The following PAXBP1 variants were observed in gnomAD, a reference collection of about 807,000 sequenced individuals.
The protein encoded by PAXBP1 is PAX3- and PAX7-binding protein 1.
Under a neutral mutation model 119.9 loss-of-function variants are expected in PAXBP1, and 44 were observed. The ratio of observed to expected loss-of-function variants is 0.37; its 90% confidence interval spans 0.29 to 0.47. PAXBP1 has a LOEUF of 0.47. Among genes scored for constraint, PAXBP1 ranks in the 20% least tolerant of loss-of-function variants. The probability of loss-of-function intolerance (pLI) is 0.99; values close to 1 mark genes in which losing one functional copy is unlikely to be tolerated. For synonymous variants in PAXBP1, 393 were observed against 406.6 expected, an observed-to-expected ratio of 0.97 and a Z score of 0.40; for missense variants, 898 against 1,134.1, an observed-to-expected ratio of 0.79 and a Z score of 2.99.
At chr21:32,743,652 C>A (rs2043823741) in intron 14 of PAXBP1, 26 bp downstream of exon 14, 2 of 1,461,394 alleles carry the variant, frequency 1.4e-6, no homozygotes, top group Non-Finnish European at 1.9e-6. Context: ...AGAATATTAT[C>A]TTTAATGTTC....
Position 32,738,331 on chromosome 21 carries a change from A to C in PAXBP1, c.2335-12T>G. 2 of 1,565,476 alleles carry C rather than the reference A, an allele frequency of 1.3e-6. No homozygotes were observed. Among genetic ancestry groups the C allele is most frequent in the Non-Finnish European group, 1.7e-6 (2 of 1,161,298 alleles). Reference sequence around the variant, plus strand: ...AAATTGCCTAACAGCTGGAAAGAAGAAAAAAAATAGGTAATGTGAAACAAT... The same window carrying C: ...AAATTGCCTAACAGCTGGAAAGAAGCAAAAAAATAGGTAATGTGAAACAAT... On this transcript the variant is annotated splice_polypyrimidine_tract_variant and intron_variant, in intron 15 of 17. Transcript: ENST00000331923.
In PAXBP1 at chr21:32,762,261, G is replaced by C. The variant is rs1459383648; in HGVS notation, c.706C>G (p.Arg236Gly). The C allele has an allele frequency of 6.2e-7, 1 of 1,613,836 alleles. No homozygotes were observed. The highest frequency in any genetic ancestry group is 8.5e-7 in the Non-Finnish European group (1 of 1,180,018). Residue 236 changes from arginine to glycine, a missense_variant, in exon 4 of 18, where the codon CGA becomes GGA. Physicochemically the swap from Arg to Gly is moderately radical, Grantham distance 125. This residue lies in a region of PAXBP1 where 599 missense variants were observed against 852.7 expected (regional missense o/e 0.70). Coordinates refer to ENST00000331923, the MANE Select transcript of PAXBP1 (RefSeq NM_016631.4). ...TGAGGAGTGAAATCTCCCAATTCTC[G>C]GGCCATTTGGCGCTTTTTCCTTGCA... ...HAARKKRQMA[R>G]ELGDFTPHDN...
chr21:32,743,756 TA>T lies in PAXBP1; in HGVS notation c.2191-3del. On this transcript the variant is annotated splice_region_variant and splice_polypyrimidine_tract_variant and intron_variant, in intron 13 of 17. Transcript: ENST00000331923. The stretch of plus-strand genomic sequence containing the variant: ...CAATAAAAGTGCCTTTAGGTATACC[TA>T]AAAAGTTAAAAGTAGATCACACATT... 6.6e-7 allele frequency: 1 copy of T among 1,515,568 alleles called. No homozygotes were observed. Among genetic ancestry groups the T allele is most frequent in the Non-Finnish European group, 9.1e-7 (1 of 1,102,158 alleles). The allele number at this position is 1,515,568 out of a possible 1,614,324, so 93.9% of individuals were successfully genotyped here. A position where few individuals can be genotyped will look rare whatever the true frequency, so the allele number is the denominator to read the frequency against.
intron 1 of PAXBP1, 60 bp downstream of exon 1, chr21:32,771,266 G>A (rs2146534936): frequency 2.8e-6 from 4 of 1,447,028 alleles, no homozygotes; most frequent in East Asian, 2.7e-5. Context: ...ACGGGGGCGG[G>A]GGACGGGGGC....
rs750059197 is a variant in PAXBP1, at chr21:32,764,508, G to A, written c.489C>T (p.Asp163=). ...TTGTATCCTTAACATGTCCTGTTTT[G>A]TCCAAAGGTTGTTCACCTAAATTTT... ...NSSAESEQPL[D]KTGHVKDTNQ... The change falls in exon 3 of 18, where the codon GAC becomes GAT. Residue 163 remains aspartate, a synonymous_variant. Transcript: ENST00000331923. 9 of 1,595,122 alleles carry A rather than the reference G, an allele frequency of 5.6e-6. No homozygotes were observed. The highest frequency in any genetic ancestry group is 7.7e-6 in the Non-Finnish European group (9 of 1,172,244).
intron 4 of PAXBP1, 106 bp downstream of exon 4, chr21:32,761,990 T>C: frequency 8.8e-7 from 1 of 1,142,198 alleles, no homozygotes; most frequent in East Asian, 2.4e-5. Flanking sequence ...CAGTGAGCTA[T>C]GATTGTACCA....
chr21:32,752,574 G>C (rs920362846), intron 8 of PAXBP1, among the ~76,000 whole-genome samples: 20 of 152,110 alleles, frequency 1.3e-4, no homozygotes, highest in African/African-American at 4.8e-4. Flanking sequence ...ATCAGCAACA[G>C]GAAAAACAAA....
intron 16 of PAXBP1, 86 bp from the exon 17 acceptor site, chr21:32,737,494 TG>T: frequency 8.8e-7 from 1 of 1,142,140 alleles, no homozygotes. Context: ...TGGGTATAAA[TG>T]TATTTCACCA....
Position 32,771,527 on chromosome 21 carries a change from C to A in PAXBP1, c.142G>T (p.Asp48Tyr). ...AGCGACTCCCCGCCAGGGGCCCTGT[C>A]GCCGCCACCGGGGCCCGCCTCTTCG... ...TGEEAGPGGGDRAPGGESLLG... is the reference protein window; with the variant it reads ...TGEEAGPGGGYRAPGGESLLG... Residue 48 changes from aspartate to tyrosine, a missense_variant, in exon 1 of 18, where the codon GAC (aspartate) becomes TAC (tyrosine). Asp to Tyr is a radical substitution (Grantham distance 160). Coordinates refer to ENST00000331923, the MANE Select transcript of PAXBP1 (RefSeq NM_016631.4). The A allele has an allele frequency of 7.4e-7, 1 of 1,345,796 alleles. No homozygotes were observed. Among genetic ancestry groups the A allele is most frequent in the Non-Finnish European group, 9.5e-7 (1 of 1,055,060 alleles). 83.4% of individuals were successfully genotyped at this position (1,345,796 alleles called of 1,614,324 possible). A position where few individuals can be genotyped will look rare whatever the true frequency, so the allele number is the denominator to read the frequency against.
Position 32,751,283 on chromosome 21 carries a change from C to T in PAXBP1, c.1508-65G>A, listed in dbSNP as rs552471313. ...AACAATCTTGAGGAAAGAGTTTGCA[C>T]AGAATAAGCCATTACGACAGACTGC... On this transcript the variant is annotated intron_variant, in intron 8 of 17. Transcript: ENST00000331923. 7 of 1,449,186 alleles carry T rather than the reference C, an allele frequency of 4.8e-6. No homozygotes were observed. The African/African-American group carries it at 5.6e-5, about 12-fold the overall frequency. The allele number at this position is 1,449,186 out of a possible 1,614,324, so 89.8% of individuals were successfully genotyped here.
chr21:32,762,295 A>G lies in PAXBP1; in HGVS notation c.672T>C (p.Phe224=), dbSNP rs2044163331. ...LRPGEIPDAA[F]IHAARKKRQM... ...GGCGCTTTTTCCTTGCAGCATGTAT[A>G]AAAGCTGCATCTGGAATTTCTCCTA... Residue 224 remains phenylalanine, a synonymous_variant, in exon 4 of 18, where the codon TTT becomes TTC. Transcript: ENST00000331923. 6.2e-7 allele frequency: 1 copy of G among 1,613,974 alleles called. No homozygotes were observed. The highest frequency in any genetic ancestry group is 8.5e-7 in the Non-Finnish European group (1 of 1,179,920).
At chr21:32,757,481 G>C (rs552731938) in intron 7 of PAXBP1, among the ~76,000 whole-genome samples, 1 of 152,260 alleles carries the variant, frequency 6.6e-6, no homozygotes, top group Non-Finnish European at 1.5e-5. Flanking sequence ...AAGTGACTCT[G>C]TATAACCACA....
intron 11 of PAXBP1, 25 bp downstream of exon 11, chr21:32,748,474 T>C (rs1159548366): frequency 6.3e-7 from 1 of 1,586,700 alleles, no homozygotes; most frequent in African/African-American, 1.4e-5. Context: ...TATAACACTT[T>C]CTAATAGTGA....
At chr21:32,752,305 CAA>C (rs747315066) in intron 8 of PAXBP1, among the ~76,000 whole-genome samples, 11 of 151,930 alleles carry the variant, frequency 7.2e-5, no homozygotes, top group Non-Finnish European at 1.2e-4. Context: ...TCTCTTTAAT[CAA>C]AAAAGACTCC....
Position 32,761,117 on chromosome 21 carries a change from T to A in PAXBP1, c.917A>T (p.Asp306Val). The A allele has an allele frequency of 6.2e-7, 1 of 1,614,118 alleles. No individual in the cohort carries two copies. The highest frequency in any genetic ancestry group is 8.5e-7 in the Non-Finnish European group (1 of 1,180,020). The change falls in exon 5 of 18, where the codon GAT (aspartate) becomes GTT (valine). Residue 306 changes from aspartate (D) to valine (V), a missense_variant. By Grantham distance (152) the Asp-to-Val change is radical. Transcript: ENST00000331923. ...CTGTTCCCATCGGCTGAGCTCTTCA[T>A]CCTGTTCTCCAGTTACTAAAGCATC... ...DDDALVTGEQ[D>V]EELSRWEQEQ...
At chr21:32,765,694 T>C (rs2044228739) in intron 2 of PAXBP1, among the ~76,000 whole-genome samples, 1 of 151,942 alleles carries the variant, frequency 6.6e-6, no homozygotes, top group Non-Finnish European at 1.5e-5. Context: ...TAACCTCTTT[T>C]AGGCTCTTTC....
chr21:32,753,262 G>A (rs2043986010), intron 8 of PAXBP1, among the ~76,000 whole-genome samples: 1 of 151,806 alleles, frequency 6.6e-6, no homozygotes, highest in African/African-American at 2.4e-5. Context: ...TTCAAGACCA[G>A]CCTGACCAAC....
At chr21:32,740,261 C>A (rs1384300782) in intron 15 of PAXBP1, among the ~76,000 whole-genome samples, 1 of 152,168 alleles carries the variant, frequency 6.6e-6, no homozygotes, top group Non-Finnish European at 1.5e-5. Context: ...AATGGGGGGG[C>A]CTTGCTTTGA....
Position 32,759,815 on chromosome 21 carries a change from G to C in PAXBP1, c.1155C>G (p.Pro385=). The C allele has an allele frequency of 6.2e-7, 1 of 1,613,958 alleles. No homozygotes were observed. The highest frequency in any genetic ancestry group is 8.5e-7 in the Non-Finnish European group (1 of 1,179,902). Residue 385 remains proline (P), a synonymous_variant, in exon 6 of 18, where the codon CCC becomes CCG. Transcript: ENST00000331923. The stretch of plus-strand genomic sequence containing the variant: ...GTTTCTTTACCAAATCAATAGTAAC[G>C]GGAGTCATCTCATTACTGGGAGTTT... ...PFKTPSNEMT[P]VTIDLVKKQL... is the part of the protein sequence containing the mutation.
Sources: gnomAD v4.1 joint callset for allele counts (sites outside exome capture counted in the v4.1 genomes callset) on GRCh38, gnomAD v4.1.1 for gene constraint, gnomAD v4.1.1 regional missense constraint, MANE v1.5 for transcripts, NCBI Gene and HGNC (gene_info 2026-07-23, HGNC 2026-07-21) for gene names.